The following NLGN1 variants were observed in gnomAD, a reference collection of about 807,000 sequenced individuals.
The protein encoded by NLGN1 is neuroligin 1.
In NLGN1, 12 loss-of-function variants were observed where a neutral mutation model predicts 65.5. The ratio of observed to expected loss-of-function variants is 0.18; its 90% CI spans 0.12 to 0.30. The LOEUF (loss-of-function observed/expected upper bound fraction) is 0.30. NLGN1 is among the 10% of genes least tolerant of loss of function. NLGN1 has a pLI of 1.00. For synonymous variants in NLGN1, 350 were observed against 359.5 expected, an observed-to-expected ratio of 0.97 and a Z score of 0.30; for missense variants, 750 against 1,007.1, an observed-to-expected ratio of 0.74 and a Z score of 3.46.
intron 1 of NLGN1, among the ~76,000 whole-genome samples, chr3:173,413,377 G>A (rs967265651): frequency 7.2e-5 from 11 of 151,946 alleles, no homozygotes; most frequent in Non-Finnish European, 1.0e-4. Flanking sequence ...TGAGGTGGGC[G>A]GATCACAAGG....
At chr3:173,824,699 A>AC (rs1429641507) in intron 4 of NLGN1, among the ~76,000 whole-genome samples, 1 of 151,924 alleles carries the variant, frequency 6.6e-6, no homozygotes, top group African/African-American at 2.4e-5. Context: ...AGGTTTTGCT[A>AC]TTTTTCTCCA....
At chr3:173,554,731 T>G (rs1396566862) in intron 2 of NLGN1, among the ~76,000 whole-genome samples, 1 of 152,220 alleles carries the variant, frequency 6.6e-6, no homozygotes, top group Admixed American at 6.5e-5. Flanking sequence ...CTATGAATTT[T>G]TAATTTCTCT....
chr3:174,243,810 T>C (rs951579763), intron 4 of NLGN1, among the ~76,000 whole-genome samples: 2 of 152,200 alleles, frequency 1.3e-5, no homozygotes, highest in Non-Finnish European at 2.9e-5. Context: ...TCAACACATG[T>C]TGACACATTT....
At chr3:174,194,862 C>CT (rs371935591) in intron 4 of NLGN1, among the ~76,000 whole-genome samples, 62,814 of 126,976 alleles carry the variant, frequency 0.49, 16,753 homozygotes, top group East Asian at 0.78. Flanking sequence ...TTTCTTTTTT[C>CT]TTTTTTCTTT....
intron 3 of NLGN1, among the ~76,000 whole-genome samples, chr3:173,783,617 TG>T (rs1781514159): frequency 1.3e-5 from 2 of 152,234 alleles, no homozygotes; most frequent in African/African-American, 4.8e-5. Flanking sequence ...TTCATTCATT[TG>T]TTTTTTTGTT....
At chr3:173,901,374 T>C (rs62292080) in intron 4 of NLGN1, among the ~76,000 whole-genome samples, 1 of 141,772 alleles carries the variant, frequency 7.1e-6, no homozygotes, top group Admixed American at 7.7e-5. Flanking sequence ...TGGGGGGGTG[T>C]GTGTGTGTGT....
chr3:174,249,606 A>G (rs1200917627), intron 4 of NLGN1, among the ~76,000 whole-genome samples: 1 of 152,200 alleles, frequency 6.6e-6, no homozygotes, highest in Non-Finnish European at 1.5e-5. Flanking sequence ...GCTAGTTCAC[A>G]TTTCCTTTAA....
chr3:174,230,538 T>A (rs1740516759), intron 4 of NLGN1, among the ~76,000 whole-genome samples: 1 of 152,154 alleles, frequency 6.6e-6, no homozygotes, highest in Admixed American at 6.5e-5. Flanking sequence ...TATCAACAAT[T>A]AAAAAATGAG....
At chr3:173,703,922 G>T (rs1350268950) in intron 3 of NLGN1, among the ~76,000 whole-genome samples, 2 of 152,130 alleles carry the variant, frequency 1.3e-5, no homozygotes, top group Non-Finnish European at 2.9e-5. Flanking sequence ...GGTCTGCTTT[G>T]TGAGAAATAA....
chr3:174,171,386 A>G (rs1214432475), intron 4 of NLGN1, among the ~76,000 whole-genome samples: 2 of 152,140 alleles, frequency 1.3e-5, no homozygotes, highest in African/African-American at 2.4e-5. Context: ...TGTTATTTCT[A>G]TTATTGTGAA....
intron 3 of NLGN1, among the ~76,000 whole-genome samples, chr3:173,611,102 G>A (rs1480873122): frequency 6.6e-6 from 1 of 152,012 alleles, no homozygotes; most frequent in Admixed American, 6.6e-5. Context: ...ATGAGTGTGA[G>A]TGCATGGGCA....
In NLGN1 at chr3:173,935,156, A is replaced by G. The variant is rs936977330; in HGVS notation, c.646+127324A>G. ...TCTTCCTTATTATTCCCACTGCCTT[A>G]GTTCAGGCCCTCATCATTTTGCATC... On this transcript the variant is annotated intron_variant, in intron 4 of 6. Coordinates refer to ENST00000457714, the Ensembl canonical transcript of NLGN1. 3.3e-5 allele frequency among the ~76,000 whole-genome samples: 5 copies of G among 152,042 alleles called. No homozygotes were observed. The East Asian group carries it at 9.7e-4, about 29-fold the overall frequency.
At position 173,752,908 on chromosome 3, in the gene NLGN1, A is replaced by G. The variant is rs532207334; in HGVS notation, c.494-54772A>G. On this transcript the variant is annotated intron_variant, in intron 3 of 6. Coordinates refer to ENST00000457714, the Ensembl canonical transcript of NLGN1. Reference sequence around the variant, plus strand: ...GAAAACATAGAAGCAATTATAGGGAATGTCCACTCTCCTCCGATACCTACC... The same window carrying G: ...GAAAACATAGAAGCAATTATAGGGAGTGTCCACTCTCCTCCGATACCTACC... 2.6e-5 allele frequency among the ~76,000 whole-genome samples: 4 copies of G among 152,168 alleles called. No individual in the cohort carries two copies. In the East Asian group the frequency reaches 7.7e-4, roughly 29 times the overall value.
At chr3:173,599,642 A>G (rs1412325873) in intron 2 of NLGN1, among the ~76,000 whole-genome samples, 1 of 152,120 alleles carries the variant, frequency 6.6e-6, no homozygotes, top group Non-Finnish European at 1.5e-5. Flanking sequence ...ACTTATTATT[A>G]CCATATATAG....
chr3:173,833,441 T>C (rs1011734824), intron 4 of NLGN1, among the ~76,000 whole-genome samples: 1 of 152,228 alleles, frequency 6.6e-6, no homozygotes, highest in African/African-American at 2.4e-5. Flanking sequence ...TTTAAATCTG[T>C]ACTAAAAAAA....
At chr3:173,411,763 C>T (rs1327023974) in intron 1 of NLGN1, among the ~76,000 whole-genome samples, 1 of 152,038 alleles carries the variant, frequency 6.6e-6, no homozygotes, top group Non-Finnish European at 1.5e-5. Flanking sequence ...AGAGACATTT[C>T]CAGTTATGAG....
At chr3:174,274,458 T>C (rs1331628514) in intron 4 of NLGN1, among the ~76,000 whole-genome samples, 1 of 151,788 alleles carries the variant, frequency 6.6e-6, no homozygotes, top group Non-Finnish European at 1.5e-5. Flanking sequence ...ATCATCTTTT[T>C]TTCAATTGCC....
chr3:173,780,742 G>A (rs1293131219), intron 3 of NLGN1, among the ~76,000 whole-genome samples: 1 of 152,166 alleles, frequency 6.6e-6, no homozygotes, highest in Non-Finnish European at 1.5e-5. Context: ...GACATTTAAA[G>A]GTGTGCCCAG....
In NLGN1 at chr3:174,211,980, A is replaced by G. The variant is rs568432767; in HGVS notation, c.647-63335A>G. 3.3e-5 allele frequency among the ~76,000 whole-genome samples: 5 copies of G among 152,258 alleles called. No homozygotes were observed. In the East Asian group the frequency reaches 7.8e-4, roughly 24 times the overall value. On this transcript the variant is annotated intron_variant, in intron 4 of 6. Coordinates refer to ENST00000457714, the Ensembl canonical transcript of NLGN1. ...CCCGCGCCATGCGCTCGTACTCCTCAGCCCTTGGGTGGTCGATGGGACTGG... is the reference window on the plus strand; with the variant it reads ...CCCGCGCCATGCGCTCGTACTCCTCGGCCCTTGGGTGGTCGATGGGACTGG...
Sources: gnomAD v4.1 joint callset for allele counts (sites outside exome capture counted in the v4.1 genomes callset) on GRCh38, gnomAD v4.1.1 for gene constraint, MANE v1.5 for transcripts, NCBI Gene and HGNC (gene_info 2026-07-23, HGNC 2026-07-21) for gene names.